PTPRD: variants seen among roughly 807,000 people sequenced by gnomAD.
PTPRD encodes receptor-type tyrosine-protein phosphatase delta.
In PTPRD, 34 loss-of-function variants were observed where a neutral mutation model predicts 214.5. That is an observed-to-expected ratio of 0.16 (90% CI 0.12 to 0.21). PTPRD has a LOEUF of 0.21. PTPRD is among the 10% of genes least tolerant of loss of function. PTPRD has a pLI of 1.00. For missense variants in PTPRD, 2,545 were observed against 2,398.7 expected, an observed-to-expected ratio of 1.06 and a Z score of -1.27; for synonymous variants, 1,128 against 845.7, an observed-to-expected ratio of 1.33 and a Z score of -5.79.
chr9:9,629,808 T>C, intron 7 of PTPRD, among the ~76,000 whole-genome samples: 1 of 152,296 alleles, frequency 6.6e-6, no homozygotes, highest in Non-Finnish European at 1.5e-5. Context: ...TACCCAAAAC[T>C]ACACTGACAG....
At chr9:8,593,133 T>G (rs1330083563) in intron 14 of PTPRD, among the ~76,000 whole-genome samples, 1 of 152,182 alleles carries the variant, frequency 6.6e-6, no homozygotes, top group Non-Finnish European at 1.5e-5. Flanking sequence ...GAAAGTCATA[T>G]TCTCAGAAGT....
chr9:10,424,248 T>C (rs1399587043), intron 2 of PTPRD, among the ~76,000 whole-genome samples: 1 of 151,754 alleles, frequency 6.6e-6, no homozygotes, highest in African/African-American at 2.4e-5. Flanking sequence ...TTAATAAGCA[T>C]TGGCCAAAAA....
intron 9 of PTPRD, among the ~76,000 whole-genome samples, chr9:9,221,532 G>C (rs188610147): frequency 1.5e-3 from 229 of 152,180 alleles, no homozygotes; most frequent in Non-Finnish European, 3.0e-3. Flanking sequence ...GATCTCTGGA[G>C]AGGGCTCTCT....
chr9:9,434,310 A>T (rs915858793), intron 8 of PTPRD, among the ~76,000 whole-genome samples: 3 of 152,140 alleles, frequency 2.0e-5, no homozygotes, highest in African/African-American at 7.2e-5. Flanking sequence ...TTAACCAGGG[A>T]GGTGAAGTAT....
At chr9:10,499,275 CA>C (rs1213784972) in intron 2 of PTPRD, among the ~76,000 whole-genome samples, 1 of 151,864 alleles carries the variant, frequency 6.6e-6, no homozygotes, top group East Asian at 1.9e-4. Flanking sequence ...TGAGAACATG[CA>C]GTGTTTGGTT....
At chr9:9,092,687 G>A (rs1159594104) in intron 10 of PTPRD, among the ~76,000 whole-genome samples, 1 of 151,954 alleles carries the variant, frequency 6.6e-6, no homozygotes, top group African/African-American at 2.4e-5. Flanking sequence ...AATAGACAAT[G>A]GATCTGAAAC....
chr9:8,929,909 A>ATGTGTATATACGTG (rs1555537672), intron 11 of PTPRD, among the ~76,000 whole-genome samples: 2 of 61,122 alleles, frequency 3.3e-5, no homozygotes, highest in East Asian at 7.5e-4. Flanking sequence ...GTGTATATAT[A>ATGTGTATATACGTG]TGTGTGTGTA....
intron 3 of PTPRD, among the ~76,000 whole-genome samples, chr9:10,050,046 T>A (rs768644810): frequency 6.6e-6 from 1 of 152,158 alleles, no homozygotes; most frequent in Non-Finnish European, 1.5e-5. Flanking sequence ...CATCTGTTAG[T>A]GCCATTCCCT....
chr9:8,993,028 G>A (rs1243329398), intron 11 of PTPRD, among the ~76,000 whole-genome samples: 4 of 152,110 alleles, frequency 2.6e-5, no homozygotes, highest in African/African-American at 9.7e-5. Flanking sequence ...GAATTCTCTT[G>A]ACTAACTACC....
intron 5 of PTPRD, among the ~76,000 whole-genome samples, chr9:9,817,185 A>T (rs2761746): frequency 0.45 from 68,899 of 151,596 alleles, 18,623 homozygotes; most frequent in African/African-American, 0.76. Context: ...ATTAATCATG[A>T]CTGTGTAGAC....
At chr9:8,597,695 T>A (rs2094549283) in intron 14 of PTPRD, among the ~76,000 whole-genome samples, 1 of 152,166 alleles carries the variant, frequency 6.6e-6, no homozygotes, top group Admixed American at 6.5e-5. Context: ...GAGTTGTGTT[T>A]CTTTATTCAA....
chr9:8,911,218 A>G (rs1191571326), intron 11 of PTPRD, among the ~76,000 whole-genome samples: 1 of 152,220 alleles, frequency 6.6e-6, no homozygotes, highest in Non-Finnish European at 1.5e-5. Flanking sequence ...CTTGCTATAA[A>G]CAATGTGGTA....
intron 11 of PTPRD, among the ~76,000 whole-genome samples, chr9:8,801,001 C>T (rs982351554): frequency 1.3e-5 from 2 of 152,180 alleles, no homozygotes; most frequent in Admixed American, 6.5e-5. Context: ...AATACTTAAT[C>T]TCTCTAAGCC....
At chr9:10,582,132 T>C (rs1213017460) in intron 2 of PTPRD, among the ~76,000 whole-genome samples, 1 of 152,142 alleles carries the variant, frequency 6.6e-6, no homozygotes, top group Non-Finnish European at 1.5e-5. Flanking sequence ...GGGTATGTCA[T>C]GTGGGATCTA....
intron 5 of PTPRD, among the ~76,000 whole-genome samples, chr9:9,775,151 T>A (rs1030992877): frequency 1.3e-5 from 2 of 152,206 alleles, no homozygotes; most frequent in Non-Finnish European, 2.9e-5. Flanking sequence ...CCCCACAAGT[T>A]CATCAACTAA....
intron 8 of PTPRD, among the ~76,000 whole-genome samples, chr9:9,536,168 T>C (rs566298525): frequency 6.6e-6 from 1 of 152,166 alleles, no homozygotes; most frequent in Non-Finnish European, 1.5e-5. Context: ...TGCATACTAT[T>C]TCACTTGCTG....
rs751905325 is a variant in PTPRD, at chr9:8,987,007, GTTATT to G, written c.-104+31685_-104+31689del. Among the ~76,000 whole-genome samples, 209 of 152,012 alleles carry G rather than the reference GTTATT, an allele frequency of 1.4e-3. 1 individual carries two copies. The highest frequency in any genetic ancestry group is 1.8e-3 in the Non-Finnish European group (120 of 67,974). Reference sequence around the variant, plus strand: ...ATTGCTTGCTTCCTGGTTTATATTTGTTATTTGCAACCCAAAGATGGTCACTAATA... The same window carrying G: ...ATTGCTTGCTTCCTGGTTTATATTTGTGCAACCCAAAGATGGTCACTAATA... On this transcript the variant is annotated intron_variant, in intron 11 of 45. Transcript: ENST00000381196.
intron 11 of PTPRD, among the ~76,000 whole-genome samples, chr9:8,760,594 C>CTGTG (rs1259550529): frequency 3.4e-5 from 5 of 147,256 alleles, no homozygotes; most frequent in African/African-American, 1.0e-4. Flanking sequence ...CTCCCTCTCT[C>CTGTG]TGTCTGTGTG....
At chr9:9,294,670 A>T (rs1419675436) in intron 9 of PTPRD, among the ~76,000 whole-genome samples, 1 of 151,616 alleles carries the variant, frequency 6.6e-6, no homozygotes, top group Non-Finnish European at 1.5e-5. Context: ...ATCAGCCAAG[A>T]GACATGGCCT....
Sources: allele counts gnomAD v4.1 joint callset (sites outside exome capture counted in the v4.1 genomes callset), GRCh38; gene constraint gnomAD v4.1.1; transcripts MANE v1.5; gene names NCBI Gene and HGNC (gene_info 2026-07-23, HGNC 2026-07-21).